The following CNTNAP2 variants were observed in gnomAD, a reference collection of about 807,000 sequenced individuals.
CNTNAP2 encodes contactin-associated protein-like 2.
Under a neutral mutation model 155.2 loss-of-function variants are expected in CNTNAP2, and 98 were observed. The observed-to-expected ratio is 0.63, with a 90% CI of 0.54 to 0.75. The LOEUF (loss-of-function observed/expected upper bound fraction) is 0.75. CNTNAP2 is among the 30% of genes least tolerant of loss of function. The pLI is 0.00. For missense variants in CNTNAP2, 1,727 were observed against 1,688.1 expected, an observed-to-expected ratio of 1.02 and a Z score of -0.40; for synonymous variants, 651 against 631.2, an observed-to-expected ratio of 1.03 and a Z score of -0.47.
chr7:148,384,037 C>A, intron 22 of CNTNAP2, 149 bp downstream of exon 22: 1 of 1,097,900 alleles, frequency 9.1e-7, no homozygotes, highest in South Asian at 1.4e-5. Flanking sequence ...GTACGGAGTT[C>A]TCAGGGCAGC....
chr7:148,025,925 T>A (rs905044060), intron 15 of CNTNAP2, among the ~76,000 whole-genome samples: 8 of 152,218 alleles, frequency 5.3e-5, no homozygotes, highest in African/African-American at 1.7e-4. Context: ...TGACCGATTC[T>A]AATGTGTTTA....
intron 8 of CNTNAP2, among the ~76,000 whole-genome samples, chr7:147,228,543 C>T (rs1313409647): frequency 6.6e-6 from 1 of 152,128 alleles, no homozygotes; most frequent in African/African-American, 2.4e-5. Flanking sequence ...GCCTCTCAGC[C>T]TTTCTTGGAG....
At chr7:146,213,287 A>G (rs915895891) in intron 1 of CNTNAP2, among the ~76,000 whole-genome samples, 1 of 152,236 alleles carries the variant, frequency 6.6e-6, no homozygotes, top group African/African-American at 2.4e-5. Flanking sequence ...TATGGTAGCC[A>G]TAAATCTCAG....
chr7:147,605,459 G>A (rs1230562851), intron 12 of CNTNAP2, among the ~76,000 whole-genome samples: 1 of 152,126 alleles, frequency 6.6e-6, no homozygotes, highest in Non-Finnish European at 1.5e-5. Context: ...TATGTGAGGT[G>A]AGGAAAGGAA....
intron 9 of CNTNAP2, among the ~76,000 whole-genome samples, chr7:147,352,880 G>A (rs1421318817): frequency 1.3e-5 from 2 of 151,766 alleles, no homozygotes; most frequent in Admixed American, 6.6e-5. Context: ...AGCTTGATAC[G>A]ATAGATGAAA....
At chr7:147,259,846 T>C (rs1460587708) in intron 8 of CNTNAP2, among the ~76,000 whole-genome samples, 1 of 152,192 alleles carries the variant, frequency 6.6e-6, no homozygotes, top group East Asian at 1.9e-4. Flanking sequence ...AACTATTCAA[T>C]TAGGTTTTTG....
At chr7:146,133,562 C>T (rs2116741017) in intron 1 of CNTNAP2, among the ~76,000 whole-genome samples, 1 of 152,242 alleles carries the variant, frequency 6.6e-6, no homozygotes, top group South Asian at 2.1e-4. Flanking sequence ...ATGTTTAAGT[C>T]TTGAATCCAT....
At chr7:146,720,986 A>ATACT (rs1801283215) in intron 1 of CNTNAP2, among the ~76,000 whole-genome samples, 1 of 129,188 alleles carries the variant, frequency 7.7e-6, no homozygotes, top group African/African-American at 3.4e-5. Flanking sequence ...GACTATATAT[A>ATACT]CTGTATATAT....
intron 8 of CNTNAP2, among the ~76,000 whole-genome samples, chr7:147,284,654 T>A (rs1287679686): frequency 6.6e-6 from 1 of 152,004 alleles, no homozygotes; most frequent in Non-Finnish European, 1.5e-5. Flanking sequence ...CATACATTTA[T>A]ATCCTAATAT....
chr7:146,532,400 A>G (rs1265741816), intron 1 of CNTNAP2, among the ~76,000 whole-genome samples: 1 of 152,142 alleles, frequency 6.6e-6, no homozygotes, highest in African/African-American at 2.4e-5. Context: ...GCTTATTATT[A>G]GATTTATCCA....
chr7:147,926,560 C>T (rs1800402654), intron 14 of CNTNAP2, among the ~76,000 whole-genome samples: 1 of 152,164 alleles, frequency 6.6e-6, no homozygotes, highest in Non-Finnish European at 1.5e-5. Context: ...CATTAAGTCA[C>T]TGTGATCTAC....
At chr7:148,014,645 A>G (rs1420843756) in intron 15 of CNTNAP2, among the ~76,000 whole-genome samples, 1 of 152,238 alleles carries the variant, frequency 6.6e-6, no homozygotes, top group African/African-American at 2.4e-5. Context: ...ATGAGTCACC[A>G]GCTGCCCCTT....
intron 4 of CNTNAP2, 95 bp downstream of exon 4, chr7:147,044,149 C>A: frequency 7.1e-7 from 1 of 1,404,860 alleles, no homozygotes; most frequent in Non-Finnish European, 1.0e-6. Flanking sequence ...CTTGCTTTCT[C>A]TGACAATAAA....
rs540641858 is a variant in CNTNAP2 at position 148,258,391 on chromosome 7, G to A, written c.3382-8642G>A. Among the ~76,000 whole-genome samples, 9 of 152,264 alleles carry A rather than the reference G, an allele frequency of 5.9e-5. No homozygotes were observed. In the South Asian group the frequency reaches 1.9e-3, roughly 32 times the overall value. ...TTGCTCCATGTCCTCTCCATTATCA[G>A]GAACAAAGTGATTCTAGGGTTAGGA... is the stretch of plus-strand genomic sequence containing the variant. On this transcript the variant is annotated intron_variant, in intron 20 of 23. Coordinates refer to ENST00000361727, the MANE Select transcript of CNTNAP2 (RefSeq NM_014141.6).
At chr7:146,614,656 T>C (rs1379646434) in intron 1 of CNTNAP2, among the ~76,000 whole-genome samples, 1 of 152,212 alleles carries the variant, frequency 6.6e-6, no homozygotes, top group Non-Finnish European at 1.5e-5. Flanking sequence ...GCTTGCAATC[T>C]GTTTCTCTGC....
chr7:147,715,938 T>C (rs576491959), intron 13 of CNTNAP2, among the ~76,000 whole-genome samples: 1 of 152,336 alleles, frequency 6.6e-6, no homozygotes, highest in African/African-American at 2.4e-5. Context: ...CTATAAATCA[T>C]TGCATCGTCA....
intron 14 of CNTNAP2, among the ~76,000 whole-genome samples, chr7:147,915,592 A>G (rs528119525): frequency 4.1e-4 from 62 of 152,212 alleles, no homozygotes; most frequent in African/African-American, 1.4e-3. Context: ...TAAAATGGAC[A>G]GCTATCAATA....
rs759259202 is a variant in CNTNAP2 at position 147,562,286 on chromosome 7, A to G, written c.1897+29A>G. The stretch of plus-strand genomic sequence containing the variant: ...ACTGTGTCATATTTATGTTTTATGA[A>G]GATGCTTTTCTATATGTCACGAATA... On this transcript the variant is annotated intron_variant, in intron 12 of 23. Transcript: ENST00000361727. 4 of 1,612,812 alleles carry G rather than the reference A, an allele frequency of 2.5e-6. No individual in the cohort carries two copies. In the Admixed American group the frequency reaches 6.7e-5, roughly 27 times the overall value.
chr7:147,919,159 A>C (rs1800214200), intron 14 of CNTNAP2, among the ~76,000 whole-genome samples: 1 of 152,142 alleles, frequency 6.6e-6, no homozygotes, highest in Non-Finnish European at 1.5e-5. Context: ...GCTGAAAGAG[A>C]CAAGGAAATT....
Sources: gnomAD v4.1 joint callset for allele counts (sites outside exome capture counted in the v4.1 genomes callset) on GRCh38, gnomAD v4.1.1 for gene constraint, MANE v1.5 for transcripts, NCBI Gene and HGNC (gene_info 2026-07-23, HGNC 2026-07-21) for gene names.